The following CPQ variants were observed in gnomAD, a reference collection of about 807,000 sequenced individuals.
The protein encoded by CPQ is carboxypeptidase Q, also known as Ser-Met dipeptidase.
A neutral mutation model predicts 45.7 loss-of-function variants in CPQ; 37 were observed. The observed-to-expected ratio is 0.81, with a 90% confidence interval of 0.62 to 1.07. The LOEUF (loss-of-function observed/expected upper bound fraction) is 1.07. Among genes scored for constraint, CPQ ranks in the 50% least tolerant of loss-of-function variants. The pLI is 0.00. For missense variants in CPQ, 537 were observed against 572.9 expected, an observed-to-expected ratio of 0.94 and a Z score of 0.64; for synonymous variants, 186 against 205.8, an observed-to-expected ratio of 0.90 and a Z score of 0.82.
At chr8:97,094,825 C>CT (rs981614616) in intron 7 of CPQ, among the ~76,000 whole-genome samples, 6 of 152,082 alleles carry the variant, frequency 3.9e-5, no homozygotes, top group African/African-American at 1.4e-4. Context: ...TGCAGCCAAG[C>CT]TTTTTGTCCT....
chr8:97,130,919 C>A (rs1811944353), intron 7 of CPQ, among the ~76,000 whole-genome samples: 1 of 152,012 alleles, frequency 6.6e-6, no homozygotes, highest in African/African-American at 2.4e-5. Context: ...AAATTTGCAT[C>A]TCTTCATCAG....
At chr8:96,902,544 G>C (rs1359286487) in intron 4 of CPQ, among the ~76,000 whole-genome samples, 2 of 152,172 alleles carry the variant, frequency 1.3e-5, no homozygotes, top group Non-Finnish European at 2.9e-5. Context: ...TTGGAGAAGA[G>C]GGGTGTAACA....
At chr8:97,038,456 G>A (rs191604620) in intron 6 of CPQ, among the ~76,000 whole-genome samples, 1 of 152,258 alleles carries the variant, frequency 6.6e-6, no homozygotes, top group East Asian at 1.9e-4. Context: ...AACTTCCTGA[G>A]GAAATCAAGT....
At chr8:96,926,720 C>A (rs1462353657) in intron 4 of CPQ, among the ~76,000 whole-genome samples, 1 of 151,432 alleles carries the variant, frequency 6.6e-6, no homozygotes, top group African/African-American at 2.4e-5. Flanking sequence ...GGTACATGTG[C>A]AGAACGTCCA....
chr8:96,958,025 G>A (rs1180422640), intron 4 of CPQ, among the ~76,000 whole-genome samples: 1 of 149,600 alleles, frequency 6.7e-6, no homozygotes, highest in African/African-American at 2.5e-5. Flanking sequence ...TTTTTCAATA[G>A]AGATGAGTTC....
At chr8:97,031,300 C>T (rs1454153324) in intron 6 of CPQ, among the ~76,000 whole-genome samples, 1 of 150,718 alleles carries the variant, frequency 6.6e-6, no homozygotes, top group African/African-American at 2.4e-5. Context: ...GATTCTCCTG[C>T]CTCAGCCTCC....
intron 3 of CPQ, among the ~76,000 whole-genome samples, chr8:96,837,986 A>C (rs760720187): frequency 8.6e-5 from 13 of 151,938 alleles, no homozygotes; most frequent in Admixed American, 3.3e-4. Flanking sequence ...CCCACGCACC[A>C]CGTTTCCTCA....
chr8:96,862,206 C>G (rs1811934802), intron 3 of CPQ, among the ~76,000 whole-genome samples: 1 of 151,852 alleles, frequency 6.6e-6, no homozygotes, highest in South Asian at 2.1e-4. Flanking sequence ...CATACGGGAC[C>G]ATGCCTAGGT....
At chr8:96,757,794 C>G (rs1002140530) in intron 1 of CPQ, among the ~76,000 whole-genome samples, 7 of 151,940 alleles carry the variant, frequency 4.6e-5, no homozygotes, top group Non-Finnish European at 1.0e-4. Context: ...TCTATTTTTT[C>G]TGTTGTTGAA....
intron 1 of CPQ, among the ~76,000 whole-genome samples, chr8:96,724,895 A>G (rs932303091): frequency 6.6e-6 from 1 of 152,210 alleles, no homozygotes; most frequent in Non-Finnish European, 1.5e-5. Context: ...ACATACACCA[A>G]TGAAACAGAA....
intron 1 of CPQ, among the ~76,000 whole-genome samples, chr8:96,696,202 A>G (rs1757488881): frequency 2.0e-5 from 3 of 151,858 alleles, no homozygotes; most frequent in African/African-American, 4.8e-5. Flanking sequence ...CAAAAAACCA[A>G]ACACCGCATA....
At chr8:96,846,556 A>G (rs533004235) in intron 3 of CPQ, among the ~76,000 whole-genome samples, 2 of 152,260 alleles carry the variant, frequency 1.3e-5, no homozygotes, top group East Asian at 1.9e-4. Flanking sequence ...TCATTACTCA[A>G]TATTTTGCCA....
chr8:97,001,721 CTTTTTTTTTTTT>C (rs61282246), intron 5 of CPQ, among the ~76,000 whole-genome samples: 4 of 92,092 alleles, frequency 4.3e-5, no homozygotes, highest in Non-Finnish European at 6.1e-5. Context: ...TTCTTTCTTT[CTTTTTTTTTTTT>C]TTTTTTTTTT....
At chr8:96,892,484 C>T (rs1812390394) in intron 4 of CPQ, among the ~76,000 whole-genome samples, 1 of 151,970 alleles carries the variant, frequency 6.6e-6, no homozygotes, top group South Asian at 2.1e-4. Flanking sequence ...TTGGTTGGAA[C>T]GTTTGTTCAC....
intron 1 of CPQ, among the ~76,000 whole-genome samples, chr8:96,743,620 G>A (rs1041080505): frequency 6.6e-6 from 1 of 151,818 alleles, no homozygotes; most frequent in Non-Finnish European, 1.5e-5. Flanking sequence ...TCTACTTTTG[G>A]TCTTTGATGA....
At chr8:96,713,949 G>A (rs1563476737) in intron 1 of CPQ, among the ~76,000 whole-genome samples, 1 of 152,188 alleles carries the variant, frequency 6.6e-6, no homozygotes, top group Non-Finnish European at 1.5e-5. Context: ...TTCTTTTTAA[G>A]AGGCTAAAGC....
intron 2 of CPQ, among the ~76,000 whole-genome samples, chr8:96,793,246 G>A (rs1052376346): frequency 9.2e-5 from 14 of 152,138 alleles, no homozygotes; most frequent in Non-Finnish European, 7.4e-5. Context: ...TTTTCACGCT[G>A]CTTATAAAGA....
At chr8:96,649,062 C>T (rs774253656) in intron 1 of CPQ, among the ~76,000 whole-genome samples, 11 of 152,214 alleles carry the variant, frequency 7.2e-5, no homozygotes, top group South Asian at 2.1e-4. Context: ...CTGCGACTTC[C>T]GCCTCCCGGT....
chr8:96,979,212 T>C (rs1813843501), intron 5 of CPQ, among the ~76,000 whole-genome samples: 2 of 152,100 alleles, frequency 1.3e-5, no homozygotes, highest in Admixed American at 1.3e-4. Context: ...AGCTAAAGGT[T>C]GGAGTTGGTG....
Sources: gnomAD v4.1 joint callset for allele counts (sites outside exome capture counted in the v4.1 genomes callset) on GRCh38, gnomAD v4.1.1 for gene constraint, MANE v1.5 for transcripts, NCBI Gene and HGNC (gene_info 2026-07-23, HGNC 2026-07-21) for gene names.